The following TRA2B variants were observed in gnomAD, a reference collection of about 807,000 sequenced individuals.
TRA2B encodes transformer 2 beta homolog, also known as transformer-2 protein homolog beta.
In TRA2B, 14 loss-of-function variants were observed where a neutral mutation model predicts 41.7. The ratio of observed to expected loss-of-function variants is 0.34; its 90% CI spans 0.22 to 0.53. The LOEUF is 0.53. TRA2B is among the 20% of genes least tolerant of loss of function. The pLI is 0.95. For synonymous variants in TRA2B, 130 were observed against 128.8 expected, an observed-to-expected ratio of 1.01 and a Z score of -0.06; for missense variants, 167 against 396.8, an observed-to-expected ratio of 0.42 and a Z score of 4.92.
Position 185,927,249 on chromosome 3 carries a change from G to A in TRA2B, c.37-515C>T, listed in dbSNP as rs1412102549. On this transcript the variant is annotated intron_variant, in intron 1 of 8. Coordinates refer to ENST00000453386, the MANE Select transcript of TRA2B (RefSeq NM_004593.3). ...ATAAGAGATAAAGATGATGATCTCA[G>A]TTTCAAATCCTAGAGAAAAGCAGAA... is the stretch of plus-strand genomic sequence containing the variant. 3 of 152,192 alleles carry A rather than the reference G, an allele frequency of 2.0e-5. No individual in the cohort carries two copies. In the East Asian group the frequency reaches 5.8e-4, roughly 29 times the overall value. The allele number at this position is 152,192 out of a possible 1,614,324, so 9.4% of individuals were successfully genotyped here. A position where few individuals can be genotyped will look rare whatever the true frequency, so the allele number is the denominator to read the frequency against.
intron 1 of TRA2B, 150 bp from the exon 2 acceptor site, chr3:185,926,884 T>TA (rs1225499970): frequency 2.8e-5 from 24 of 866,160 alleles, no homozygotes; most frequent in African/African-American, 2.4e-4. Context: ...TACCTGGTGT[T>TA]AATAGTTTCA....
chr3:185,914,644 C>A lies in TRA2B; in HGVS notation c.*3071G>T, dbSNP rs2150109378. Among the ~76,000 whole-genome samples, 2 of 152,162 alleles carry A rather than the reference C, an allele frequency of 1.3e-5. No homozygotes were observed. The highest frequency in any genetic ancestry group is 3.9e-4 in the East Asian group (2 of 5,184). Reference sequence around the variant, plus strand: ...CTATATACAATAATCCTTTACATTACTGTAGTAGCATTCTGGCTTTTTGAT... The same window carrying A: ...CTATATACAATAATCCTTTACATTAATGTAGTAGCATTCTGGCTTTTTGAT... On this transcript the variant is annotated 3_prime_UTR_variant, in exon 9 of 9. Transcript: ENST00000453386.
intron 1 of TRA2B, chr3:185,937,463 C>G: frequency 9.4e-7 from 1 of 1,059,642 alleles, no homozygotes; most frequent in Non-Finnish European, 1.1e-6. Flanking sequence ...CCCGCCAGCC[C>G]AAGATGGCTG....
intron 1 of TRA2B, among the ~76,000 whole-genome samples, chr3:185,930,976 T>C (rs542980432): frequency 1.3e-5 from 2 of 152,246 alleles, no homozygotes; most frequent in African/African-American, 2.4e-5. Flanking sequence ...GAAACAGAAT[T>C]TGAAAAACCA....
chr3:185,935,183 T>TA, intron 1 of TRA2B: 6 of 985,438 alleles, frequency 6.1e-6, no homozygotes, highest in Non-Finnish European at 7.2e-6. Flanking sequence ...GAAATGGTGC[T>TA]AGTCAACCCC....
intron 6 of TRA2B, among the ~76,000 whole-genome samples, chr3:185,920,602 T>TGG (rs1743689554): frequency 6.6e-6 from 1 of 152,166 alleles, no homozygotes; most frequent in Admixed American, 6.5e-5. Context: ...TTGCCTACAG[T>TGG]GGAGTGCAGT....
At chr3:185,933,877 A>G (rs1295727498) in intron 1 of TRA2B, among the ~76,000 whole-genome samples, 1 of 152,172 alleles carries the variant, frequency 6.6e-6, no homozygotes, top group Admixed American at 6.5e-5. Flanking sequence ...ACTTTTCAGA[A>G]GACTACCTTT....
At chr3:185,928,425 T>A (rs761002576) in intron 1 of TRA2B, 5 of 152,172 alleles carry the variant, frequency 3.3e-5, no homozygotes, top group Non-Finnish European at 5.9e-5. Flanking sequence ...AAGAAAAATA[T>A]ATGAACAGCT....
chr3:185,921,900 A>C, intron 5 of TRA2B, 111 bp downstream of exon 5: 1 of 659,908 alleles, frequency 1.5e-6, no homozygotes, highest in East Asian at 2.9e-5. Context: ...TTAATCAATC[A>C]ACAGTCAAGT....
chr3:185,931,340 T>C (rs1000732846), intron 1 of TRA2B, among the ~76,000 whole-genome samples: 2 of 152,164 alleles, frequency 1.3e-5, no homozygotes, highest in Non-Finnish European at 2.9e-5. Flanking sequence ...GAGGACAACA[T>C]GAAGCCCACT....
chr3:185,925,325 T>A, intron 3 of TRA2B, 139 bp downstream of exon 3: 1 of 977,146 alleles, frequency 1.0e-6, no homozygotes, highest in East Asian at 2.7e-5. Context: ...CTTAAAAGAC[T>A]CTCTCAAAAC....
At chr3:185,934,577 T>C (rs761589338) in intron 1 of TRA2B, 5 of 985,386 alleles carry the variant, frequency 5.1e-6, no homozygotes, top group Non-Finnish European at 4.8e-6. Flanking sequence ...AGACTCACAA[T>C]ACAAAACAAT....
chr3:185,935,351 A>G (rs914587809), intron 1 of TRA2B: 5 of 979,058 alleles, frequency 5.1e-6, no homozygotes, highest in Admixed American at 6.2e-5. Flanking sequence ...GAGAGGGGGG[A>G]AAAAATAAAT....
chr3:185,918,790 C>T (rs996771555), intron 7 of TRA2B, among the ~76,000 whole-genome samples: 6 of 152,208 alleles, frequency 3.9e-5, no homozygotes, highest in Admixed American at 2.0e-4. Flanking sequence ...AGGAGGATCA[C>T]TTGAGGCCAG....
chr3:185,936,695 G>T (rs75530480), intron 1 of TRA2B: 14 of 978,382 alleles, frequency 1.4e-5, no homozygotes, highest in Non-Finnish European at 1.7e-5. Flanking sequence ...TTTTAAAAAA[G>T]CACAAATTAT....
chr3:185,931,954 AT>A (rs1245757423), intron 1 of TRA2B: 2 of 707,650 alleles, frequency 2.8e-6, no homozygotes, highest in African/African-American at 2.1e-5. Context: ...GTTGATTTGG[AT>A]TAAAAAAAAA....
chr3:185,937,818 T>C lies in TRA2B; in HGVS notation c.36+7A>G. The C allele has an allele frequency of 3.1e-6, 5 of 1,614,104 alleles. No homozygotes were observed. The highest frequency in any genetic ancestry group is 4.2e-6 in the Non-Finnish European group (5 of 1,180,030). The stretch of plus-strand genomic sequence containing the variant: ...ACACAGCCACCCCCTACCGCAGCTC[T>C]ACGTACCCGCTCGCCGTAGTTCTGC... On this transcript the variant is annotated splice_region_variant and intron_variant, in intron 1 of 8. Transcript: ENST00000453386.
chr3:185,935,999 A>G, intron 1 of TRA2B: 1 of 985,450 alleles, frequency 1.0e-6, no homozygotes, highest in Non-Finnish European at 1.2e-6. Flanking sequence ...ATAACCCATC[A>G]GAAAATTTCA....
At chr3:185,931,716 A>C in intron 1 of TRA2B, 2 of 1,373,266 alleles carry the variant, frequency 1.5e-6, no homozygotes, top group Non-Finnish European at 1.9e-6. Flanking sequence ...TACAAGTGGG[A>C]CTTCTGGTCT....
Sources: allele counts gnomAD v4.1 joint callset (sites outside exome capture counted in the v4.1 genomes callset), GRCh38; gene constraint gnomAD v4.1.1; transcripts MANE v1.5; gene names NCBI Gene and HGNC (gene_info 2026-07-23, HGNC 2026-07-21).